The following ADCK1 variants were observed in gnomAD, a reference collection of about 807,000 sequenced individuals.
The protein encoded by ADCK1 is aarF domain containing kinase 1, also known as aarF domain-containing protein kinase 1.
In ADCK1, 41 loss-of-function variants were observed where a neutral mutation model predicts 52.3. The observed-to-expected ratio is 0.78, with a 90% CI of 0.61 to 1.02. The LOEUF is 1.02. Ranked by LOEUF, ADCK1 falls within the 50% of genes least tolerant of loss-of-function variation. ADCK1 has a pLI of 0.00. For missense variants in ADCK1, 658 were observed against 679.5 expected (o/e 0.97, Z 0.35); for synonymous variants, 250 against 274.6 (o/e 0.91, Z 0.89).
chr14:77,857,745 A>AT lies in ADCK1; in HGVS notation c.220-1327dup, dbSNP rs1181682481. ...CAACTGTTATTTAACTCCTCGCATG[A>AT]TTTTATGGCCCCCAATATGTGTTAT... On this transcript the variant is annotated intron_variant, in intron 3 of 10. Coordinates refer to ENST00000238561, the MANE Select transcript of ADCK1 (RefSeq NM_020421.4). Among the ~76,000 whole-genome samples, 9 of 152,274 alleles carry AT rather than the reference A, an allele frequency of 5.9e-5. No individual in the cohort carries two copies. The East Asian group carries it at 1.7e-3, about 29-fold the overall frequency.
intron 3 of ADCK1, chr14:77,827,844 TTTGAGCTAGAGTC>T (rs1332426518): frequency 2.3e-6 from 1 of 430,956 alleles, no homozygotes; most frequent in Non-Finnish European, 4.6e-6. Flanking sequence ...CTTTTTTTTT[TTTGAGCTAGAGTC>T]TTGCTGTATC....
chr14:77,917,810 T>C (rs1457452169), intron 7 of ADCK1, among the ~76,000 whole-genome samples: 1 of 152,206 alleles, frequency 6.6e-6, no homozygotes, highest in East Asian at 1.9e-4. Flanking sequence ...TGAGACTCTT[T>C]TTTTCAAAAT....
chr14:77,927,768 G>T (rs2084230333), intron 9 of ADCK1, among the ~76,000 whole-genome samples: 1 of 152,242 alleles, frequency 6.6e-6, no homozygotes. Flanking sequence ...CAAGGGGAAA[G>T]AAAGCGTTTG....
chr14:77,913,222 T>C (rs2083835420), intron 7 of ADCK1, among the ~76,000 whole-genome samples: 1 of 152,166 alleles, frequency 6.6e-6, no homozygotes, highest in South Asian at 2.1e-4. Context: ...CAACAGACTG[T>C]CCAGGCGGTT....
chr14:77,872,891 G>T (rs1359201573), intron 4 of ADCK1, among the ~76,000 whole-genome samples: 1 of 152,136 alleles, frequency 6.6e-6, no homozygotes, highest in African/African-American at 2.4e-5. Flanking sequence ...GGCCAGCCTG[G>T]TCTCGATCTC....
chr14:77,805,725 G>C (rs901863008), intron 1 of ADCK1, among the ~76,000 whole-genome samples: 5 of 152,244 alleles, frequency 3.3e-5, no homozygotes, highest in African/African-American at 9.6e-5. Flanking sequence ...GAAGGGGAAA[G>C]TGGTAGGGCA....
intron 4 of ADCK1, among the ~76,000 whole-genome samples, chr14:77,885,729 C>T (rs1774126895): frequency 6.6e-6 from 1 of 152,088 alleles, no homozygotes; most frequent in South Asian, 2.1e-4. Context: ...GGAGGGTGGG[C>T]CAGGACAGCA....
At chr14:77,904,324 G>T (rs753852660) in intron 6 of ADCK1, among the ~76,000 whole-genome samples, 1 of 152,198 alleles carries the variant, frequency 6.6e-6, no homozygotes, top group Non-Finnish European at 1.5e-5. Context: ...CATATTTTTG[G>T]TGGAGAAACT....
At chr14:77,892,641 A>G (rs1488989116) in intron 5 of ADCK1, among the ~76,000 whole-genome samples, 1 of 151,382 alleles carries the variant, frequency 6.6e-6, no homozygotes, top group Non-Finnish European at 1.5e-5. Flanking sequence ...TTTATCAGAA[A>G]AAAAAAAAAA....
intron 1 of ADCK1, among the ~76,000 whole-genome samples, chr14:77,815,113 G>A (rs1360944050): frequency 6.7e-6 from 1 of 150,344 alleles, no homozygotes; most frequent in African/African-American, 2.4e-5. Context: ...GGCTGGTCTG[G>A]CATTCTTGAC....
At chr14:77,871,517 C>G (rs912495423) in intron 4 of ADCK1, among the ~76,000 whole-genome samples, 1 of 152,142 alleles carries the variant, frequency 6.6e-6, no homozygotes, top group Non-Finnish European at 1.5e-5. Context: ...GCCACCAAGC[C>G]AGGCTAATTT....
At chr14:77,902,369 T>C (rs1045158002) in intron 6 of ADCK1, 1 of 152,210 alleles carries the variant, frequency 6.6e-6, no homozygotes, top group Non-Finnish European at 1.5e-5. Flanking sequence ...TCGGTGTGGA[T>C]GTACAGACCC....
intron 7 of ADCK1, among the ~76,000 whole-genome samples, chr14:77,910,855 G>A (rs1037641571): frequency 1.3e-5 from 2 of 152,154 alleles, no homozygotes; most frequent in African/African-American, 2.4e-5. Flanking sequence ...CTGCCTCCCC[G>A]CTCTTTTGAT....
intron 9 of ADCK1, among the ~76,000 whole-genome samples, chr14:77,928,593 CTGGG>C (rs2084251938): frequency 6.6e-6 from 1 of 151,998 alleles, no homozygotes; most frequent in African/African-American, 2.4e-5. Context: ...TTCTGAGTAG[CTGGG>C]ATTACAGGCA....
intron 3 of ADCK1, among the ~76,000 whole-genome samples, chr14:77,832,888 C>G (rs2140067563): frequency 6.6e-6 from 1 of 152,286 alleles, no homozygotes; most frequent in South Asian, 2.1e-4. Context: ...TCCCTGAAAC[C>G]TGGGATCTGG....
At chr14:77,869,160 C>G (rs564552520) in intron 4 of ADCK1, among the ~76,000 whole-genome samples, 1 of 151,932 alleles carries the variant, frequency 6.6e-6, no homozygotes, top group Non-Finnish European at 1.5e-5. Context: ...GGTTGGATGG[C>G]GTATTGGTTT....
chr14:77,847,772 T>A (rs1244644860), intron 3 of ADCK1, among the ~76,000 whole-genome samples: 1 of 152,236 alleles, frequency 6.6e-6, no homozygotes, highest in African/African-American at 2.4e-5. Context: ...TTCTAGGGCT[T>A]CCCTGGCTTC....
chr14:77,882,598 G>C (rs1051693448), intron 4 of ADCK1, among the ~76,000 whole-genome samples: 1 of 152,348 alleles, frequency 6.6e-6, no homozygotes, highest in South Asian at 2.1e-4. Flanking sequence ...CCCCTTCCCT[G>C]AGGGCCCTGA....
chr14:77,876,617 C>T (rs1382900001), intron 4 of ADCK1, among the ~76,000 whole-genome samples: 3 of 152,196 alleles, frequency 2.0e-5, no homozygotes, highest in African/African-American at 4.8e-5. Flanking sequence ...GTGGCACAAG[C>T]GCAGCCATGG....
Sources: allele counts gnomAD v4.1 joint callset (sites outside exome capture counted in the v4.1 genomes callset), GRCh38; gene constraint gnomAD v4.1.1; transcripts MANE v1.5; gene names NCBI Gene and HGNC (gene_info 2026-07-23, HGNC 2026-07-21).